The following SDK1 variants were observed in gnomAD, a reference collection of about 807,000 sequenced individuals.
SDK1 encodes protein sidekick-1.
A neutral mutation model predicts 245.5 loss-of-function variants in SDK1; 157 were observed. The ratio of observed to expected loss-of-function variants is 0.64; its 90% CI spans 0.56 to 0.73. The LOEUF (loss-of-function observed/expected upper bound fraction) is 0.73. Ranked by LOEUF, SDK1 falls within the 30% of genes least tolerant of loss-of-function variation. The probability of loss-of-function intolerance (pLI) is 0.00; values close to 1 mark genes in which losing one functional copy is unlikely to be tolerated. For synonymous variants in SDK1, 1,647 were observed against 1,278.5 expected, an observed-to-expected ratio of 1.29 and a Z score of -6.15; for missense variants, 3,583 against 3,002.3, an observed-to-expected ratio of 1.19 and a Z score of -4.52.
intron 4 of SDK1, among the ~76,000 whole-genome samples, chr7:3,766,472 T>G (rs1420047168): frequency 1.3e-5 from 2 of 152,204 alleles, no homozygotes; most frequent in Non-Finnish European, 2.9e-5. Context: ...TGCCTCAGTT[T>G]TCTTATCTAG....
intron 2 of SDK1, among the ~76,000 whole-genome samples, chr7:3,622,915 A>T (rs1173270283): frequency 6.6e-6 from 1 of 151,932 alleles, no homozygotes; most frequent in Non-Finnish European, 1.5e-5. Context: ...TTTCCCCATG[A>T]TATAAAACCT....
intron 4 of SDK1, among the ~76,000 whole-genome samples, chr7:3,780,915 T>G (rs1036462884): frequency 4.0e-5 from 6 of 151,868 alleles, no homozygotes; most frequent in Non-Finnish European, 5.9e-5. Context: ...CAGCTTTACC[T>G]AGGAAGGCAA....
At chr7:3,830,484 C>G (rs927461383) in intron 5 of SDK1, among the ~76,000 whole-genome samples, 2 of 151,792 alleles carry the variant, frequency 1.3e-5, no homozygotes, top group Non-Finnish European at 2.9e-5. Flanking sequence ...TAAAGTAACC[C>G]TAATTTTGTT....
rs147900754 is a variant in SDK1 at position 3,598,599 on chromosome 7, T to C, written c.299-20481T>C. On this transcript the variant is annotated intron_variant, in intron 1 of 44. Coordinates refer to ENST00000404826, the MANE Select transcript of SDK1 (RefSeq NM_152744.4). ...AGATCCCTGCATTGCCCTTTAATTG[T>C]CACACCTTCCTCATTTCCCTTGTCC... Among the ~76,000 whole-genome samples the C allele has an allele frequency of 7.0e-4, 107 of 152,288 alleles. 1 individual carries two copies. Among genetic ancestry groups the C allele is most frequent in the African/African-American group, 2.3e-3 (96 of 41,566 alleles).
At chr7:3,769,135 A>G (rs1377331869) in intron 4 of SDK1, among the ~76,000 whole-genome samples, 1 of 152,244 alleles carries the variant, frequency 6.6e-6, no homozygotes, top group African/African-American at 2.4e-5. Flanking sequence ...AGTAATACAG[A>G]GAGATCCCAT....
chr7:4,151,806 C>G (rs1271499894), intron 30 of SDK1, among the ~76,000 whole-genome samples: 1 of 152,218 alleles, frequency 6.6e-6, no homozygotes, highest in African/African-American at 2.4e-5. Flanking sequence ...GCAGAGATAT[C>G]TTAAGTAACG....
At chr7:3,477,083 T>G (rs1781367267) in intron 1 of SDK1, among the ~76,000 whole-genome samples, 1 of 152,172 alleles carries the variant, frequency 6.6e-6, no homozygotes, top group Admixed American at 6.5e-5. Context: ...CTCTGTACTT[T>G]GGAATTACAT....
chr7:3,626,887 C>T (rs1782139707), intron 2 of SDK1, among the ~76,000 whole-genome samples: 2 of 151,932 alleles, frequency 1.3e-5, no homozygotes, highest in Non-Finnish European at 1.5e-5. Context: ...AATAGATGGC[C>T]AGAATAGGGG....
At chr7:3,427,431 A>G (rs1056068975) in intron 1 of SDK1, among the ~76,000 whole-genome samples, 1 of 151,806 alleles carries the variant, frequency 6.6e-6, no homozygotes, top group Non-Finnish European at 1.5e-5. Flanking sequence ...GAGCAGGAGA[A>G]TCACTTGAAC....
chr7:3,977,753 T>A (rs1019961469), intron 13 of SDK1, among the ~76,000 whole-genome samples: 3 of 152,244 alleles, frequency 2.0e-5, no homozygotes, highest in Admixed American at 6.5e-5. Flanking sequence ...CCTCTCCTCC[T>A]GGAACAGAAG....
At chr7:3,899,686 GC>G (rs1437726825) in intron 5 of SDK1, among the ~76,000 whole-genome samples, 2 of 152,218 alleles carry the variant, frequency 1.3e-5, no homozygotes, top group Admixed American at 1.3e-4. Flanking sequence ...CTGCCACGCA[GC>G]CCCGTGGAAG....
At chr7:3,312,859 G>C (rs4326295) in intron 1 of SDK1, among the ~76,000 whole-genome samples, 28,371 of 152,084 alleles carry the variant, frequency 0.19, 2,667 homozygotes, top group African/African-American at 0.23. Context: ...ATCAATACAA[G>C]TTCTGCCTGA....
chr7:3,868,947 T>C (rs753625710), intron 5 of SDK1, among the ~76,000 whole-genome samples: 2 of 152,158 alleles, frequency 1.3e-5, no homozygotes, highest in Non-Finnish European at 2.9e-5. Context: ...TGTAAATGAC[T>C]ACATTACATT....
chr7:3,876,059 C>T (rs537686977), intron 5 of SDK1, among the ~76,000 whole-genome samples: 69 of 152,250 alleles, frequency 4.5e-4, no homozygotes, highest in Admixed American at 8.5e-4. Context: ...TCCAATCCAC[C>T]GCTCTTCCAC....
At chr7:4,043,732 T>C (rs1415837087) in intron 17 of SDK1, among the ~76,000 whole-genome samples, 2 of 152,232 alleles carry the variant, frequency 1.3e-5, no homozygotes, top group African/African-American at 4.8e-5. Context: ...CAAATTTTTT[T>C]GTTGCATATG....
intron 5 of SDK1, among the ~76,000 whole-genome samples, chr7:3,861,666 C>G (rs1051790237): frequency 6.6e-6 from 1 of 152,190 alleles, no homozygotes; most frequent in Non-Finnish European, 1.5e-5. Context: ...TCTTTATAAG[C>G]TGTCTTCATG....
chr7:3,779,191 C>T (rs1418689922), intron 4 of SDK1, among the ~76,000 whole-genome samples: 2 of 152,092 alleles, frequency 1.3e-5, no homozygotes, highest in African/African-American at 4.8e-5. Context: ...ACCATCTGGT[C>T]CAAGAAATTG....
At chr7:4,076,969 A>C (rs1436013860) in intron 20 of SDK1, 29 bp from the exon 21 acceptor site, 1 of 1,605,602 alleles carries the variant, frequency 6.2e-7, no homozygotes. Context: ...TCAGGAGACC[A>C]ACACTGGTCT....
At chr7:3,314,460 A>G (rs899710957) in intron 1 of SDK1, among the ~76,000 whole-genome samples, 2 of 152,228 alleles carry the variant, frequency 1.3e-5, no homozygotes, top group Non-Finnish European at 2.9e-5. Context: ...CACTGTTCAG[A>G]GCTGAGATAA....
Sources: gnomAD v4.1 joint callset for allele counts (sites outside exome capture counted in the v4.1 genomes callset) on GRCh38, gnomAD v4.1.1 for gene constraint, MANE v1.5 for transcripts, NCBI Gene and HGNC (gene_info 2026-07-23, HGNC 2026-07-21) for gene names.